The following CFAP61 variants were observed in gnomAD, a reference collection of about 807,000 sequenced individuals.
CFAP61 encodes cilia and flagella associated protein 61, also known as cilia- and flagella-associated protein 61.
A neutral mutation model predicts 135.6 loss-of-function variants in CFAP61; 107 were observed. That is an observed-to-expected ratio of 0.79 (90% CI 0.67 to 0.93). The LOEUF is 0.93. Ranked by LOEUF, CFAP61 falls within the 40% of genes least tolerant of loss-of-function variation. The pLI is 0.00. For missense variants in CFAP61, 1,507 were observed against 1,556.2 expected (o/e 0.97, Z 0.53); for synonymous variants, 575 against 578.5 (o/e 0.99, Z 0.09).
At chr20:20,311,543 G>A (rs921272216) in intron 25 of CFAP61, among the ~76,000 whole-genome samples, 3 of 152,196 alleles carry the variant, frequency 2.0e-5, no homozygotes, top group Admixed American at 2.0e-4. Flanking sequence ...CAGAGCCCAT[G>A]CAGAGTCCTG....
intron 25 of CFAP61, among the ~76,000 whole-genome samples, chr20:20,313,519 C>G (rs1032679160): frequency 9.9e-5 from 15 of 152,182 alleles, no homozygotes; most frequent in Non-Finnish European, 2.9e-5. Flanking sequence ...CCATGGTACC[C>G]ACTGGACACG....
intron 22 of CFAP61, among the ~76,000 whole-genome samples, chr20:20,285,818 G>C (rs545302661): frequency 5.3e-5 from 8 of 151,762 alleles, no homozygotes; most frequent in Admixed American, 2.0e-4. Context: ...TACATGGGGG[G>C]GCTGAGGCAG....
At chr20:20,074,874 C>G (rs2045947333) in intron 4 of CFAP61, among the ~76,000 whole-genome samples, 1 of 152,154 alleles carries the variant, frequency 6.6e-6, no homozygotes, top group Non-Finnish European at 1.5e-5. Context: ...TTTGTAATGT[C>G]ACACCAGACC....
At chr20:20,107,975 A>G (rs2048528439) in intron 8 of CFAP61, among the ~76,000 whole-genome samples, 1 of 152,228 alleles carries the variant, frequency 6.6e-6, no homozygotes, top group South Asian at 2.1e-4. Context: ...ATATTCTAAA[A>G]TAAAGAGAAA....
chr20:20,303,681 A>T (rs1420060899), intron 25 of CFAP61, among the ~76,000 whole-genome samples: 2 of 152,020 alleles, frequency 1.3e-5, no homozygotes, highest in African/African-American at 4.8e-5. Flanking sequence ...CCGCGATATG[A>T]TTACCGATTG....
At chr20:20,355,020 G>A (rs2059018135) in intron 26 of CFAP61, among the ~76,000 whole-genome samples, 1 of 143,104 alleles carries the variant, frequency 7.0e-6, no homozygotes, top group Admixed American at 7.0e-5. Flanking sequence ...ACTGCAAGAG[G>A]GGAGGTGATC....
At chr20:20,147,028 C>G (rs575793980) in intron 9 of CFAP61, among the ~76,000 whole-genome samples, 1 of 152,202 alleles carries the variant, frequency 6.6e-6, no homozygotes, top group Non-Finnish European at 1.5e-5. Context: ...AGTTACTTCA[C>G]TTAGAATAAT....
intron 17 of CFAP61, among the ~76,000 whole-genome samples, chr20:20,223,799 A>G (rs2048552863): frequency 6.6e-6 from 1 of 152,212 alleles, no homozygotes; most frequent in Non-Finnish European, 1.5e-5. Context: ...TCTCTTGACA[A>G]ATGTATCTGA....
intron 17 of CFAP61, chr20:20,225,260 C>A (rs1451878971): frequency 6.6e-6 from 1 of 152,084 alleles, no homozygotes; most frequent in Non-Finnish European, 1.5e-5. Flanking sequence ...ACCGTCTGTA[C>A]TAATAAAAGA....
At chr20:20,089,594 A>C (rs1427404323) in intron 6 of CFAP61, among the ~76,000 whole-genome samples, 6 of 152,016 alleles carry the variant, frequency 3.9e-5, no homozygotes, top group African/African-American at 1.2e-4. Flanking sequence ...AGAGAAAAAA[A>C]AAAAAAAGCA....
chr20:20,129,602 C>A (rs942354857), intron 8 of CFAP61, among the ~76,000 whole-genome samples: 9 of 149,554 alleles, frequency 6.0e-5, no homozygotes, highest in Non-Finnish European at 1.2e-4. Context: ...TTATCTCTTT[C>A]TCAAATTTTG....
At chr20:20,181,404 G>C (rs1358354835) in intron 13 of CFAP61, among the ~76,000 whole-genome samples, 8 of 151,650 alleles carry the variant, frequency 5.3e-5, no homozygotes, top group African/African-American at 2.4e-5. Flanking sequence ...TTGTGTGTGT[G>C]ACCTGATTAA....
chr20:20,199,660 T>C, intron 16 of CFAP61, 108 bp from the exon 17 acceptor site: 2 of 1,267,600 alleles, frequency 1.6e-6, no homozygotes, highest in Non-Finnish European at 2.2e-6. Context: ...TTTTTTCCTC[T>C]CTGACTTGGC....
intron 2 of CFAP61, among the ~76,000 whole-genome samples, chr20:20,065,359 C>G (rs867191824): frequency 2.6e-5 from 4 of 151,732 alleles, no homozygotes; most frequent in Admixed American, 1.3e-4. Context: ...TAATTCCAGC[C>G]TTCCCCTTGC....
chr20:20,108,523 T>C (rs1302068551), intron 8 of CFAP61, among the ~76,000 whole-genome samples: 3 of 147,922 alleles, frequency 2.0e-5, no homozygotes, highest in Non-Finnish European at 4.4e-5. Context: ...TAATCTCAGG[T>C]GAAAAAAAAA....
intron 19 of CFAP61, among the ~76,000 whole-genome samples, chr20:20,249,330 G>A (rs1306030562): frequency 6.6e-6 from 1 of 151,952 alleles, no homozygotes; most frequent in Non-Finnish European, 1.5e-5. Context: ...GTGCCCAGGA[G>A]TTGAAGACCA....
intron 8 of CFAP61, among the ~76,000 whole-genome samples, chr20:20,105,833 G>A (rs1369517949): frequency 6.7e-6 from 1 of 148,868 alleles, no homozygotes; most frequent in Non-Finnish European, 1.5e-5. Flanking sequence ...TAGAGATGGG[G>A]TTTCACTGTG....
At chr20:20,120,676 G>A (rs1227993349) in intron 8 of CFAP61, among the ~76,000 whole-genome samples, 1 of 152,180 alleles carries the variant, frequency 6.6e-6, no homozygotes, top group Non-Finnish European at 1.5e-5. Context: ...TAAATCTGCT[G>A]TGTCTTTGTT....
intron 13 of CFAP61, among the ~76,000 whole-genome samples, chr20:20,177,563 C>CCCCT (rs2054727146): frequency 6.6e-6 from 1 of 151,638 alleles, no homozygotes; most frequent in Non-Finnish European, 1.5e-5. Context: ...CCAGCAAAGC[C>CCCCT]CCCTCATTCA....
Sources: gnomAD v4.1 joint callset for allele counts (sites outside exome capture counted in the v4.1 genomes callset) on GRCh38, gnomAD v4.1.1 for gene constraint, MANE v1.5 for transcripts, NCBI Gene and HGNC (gene_info 2026-07-23, HGNC 2026-07-21) for gene names.